Variants in TTN observed in about 807,000 individuals in gnomAD.
TTN encodes the protein connectin.
TTN carries 1,525 observed loss-of-function variants against 3,223.0 expected under a neutral mutation model. That is an observed-to-expected ratio of 0.47 (90% confidence interval 0.45 to 0.49). The LOEUF is 0.49. Among genes scored for constraint, TTN ranks in the 20% least tolerant of loss-of-function variants. TTN has a pLI of 0.00. For synonymous variants in TTN, 14,094 were observed against 15,161.0 expected (o/e 0.93, Z 5.17); for missense variants, 40,786 against 43,424.0 (o/e 0.94, Z 5.40).
intron 50 of TTN, 39 bp downstream of exon 50, chr2:178,735,472 C>T: frequency 6.7e-7 from 1 of 1,497,826 alleles, no homozygotes; most frequent in Non-Finnish European, 8.9e-7. Context: ...GGATTCCTTG[C>T]AGAGAAGGGA....
chr2:178,607,858 C>G lies in TTN; in HGVS notation c.52929G>C (p.Arg17643=). Reference sequence around the variant, plus strand: ...CCCCTGCGGCATTGACAGCACTCACCCGAAGTTTGTAATCAGCACCCTCTC... The same window carrying G: ...CCCCTGCGGCATTGACAGCACTCACGCGAAGTTTGTAATCAGCACCCTCTC... ...EIREGADYKL[R]VSAVNAAGEG... is the part of the protein sequence containing the mutation. Residue 17643 remains arginine (R), a synonymous_variant, in exon 276 of 363, where the codon CGG becomes CGC. Transcript: ENST00000589042. 1.9e-6 allele frequency: 3 copies of G among 1,613,002 alleles called. No individual in the cohort carries two copies. The highest frequency in any genetic ancestry group is 2.5e-6 in the Non-Finnish European group (3 of 1,179,342).
At position 178,542,576 on chromosome 2, in the gene TTN, A is replaced by G; in HGVS notation, c.97193-13T>C. On this transcript the variant is annotated splice_polypyrimidine_tract_variant and intron_variant, in intron 348 of 362. Transcript: ENST00000589042. ...GGACCAGGCTTGTCTATGAAAGAGAAGAAATACAGGAAATTAATTTTTACT... is the reference window on the plus strand; with the variant it reads ...GGACCAGGCTTGTCTATGAAAGAGAGGAAATACAGGAAATTAATTTTTACT... 6.3e-7 allele frequency: 1 copy of G among 1,593,378 alleles called. No individual in the cohort carries two copies. The highest frequency in any genetic ancestry group is 8.6e-7 in the Non-Finnish European group (1 of 1,166,774).
Position 178,651,709 on chromosome 2 carries a change from T to G in TTN, c.39420A>C (p.Ala13140=), listed in dbSNP as rs1311872351. 1 of 1,613,258 alleles carries G rather than the reference T, an allele frequency of 6.2e-7. No homozygotes were observed. The highest frequency in any genetic ancestry group is 1.3e-5 in the African/African-American group (1 of 74,882). Residue 13140 remains alanine, a synonymous_variant, in exon 206 of 363, where the codon GCA becomes GCC. Coordinates refer to ENST00000589042, the MANE Select transcript of TTN (RefSeq NM_001267550.2). ...PPKKPVPEKK[A]PAVVAKKPEL... ...CAGGTTTTTTGGCAACGACAGCAGG[T>G]GCTTTCTTTTCTGGGACAGGTTTCT...
Position 178,679,354 on chromosome 2 carries a change from G to C in TTN, c.33727C>G (p.Pro11243Ala), listed in dbSNP as rs1229403677. 5 of 1,612,408 alleles carry C rather than the reference G, an allele frequency of 3.1e-6. No homozygotes were observed. The highest frequency in any genetic ancestry group is 1.1e-5 in the South Asian group (1 of 91,022). Residue 11243 changes from proline (P) to alanine (A), a missense_variant, in exon 142 of 363, where the codon CCT becomes GCT. Pro to Ala is a conservative substitution (Grantham distance 27). Transcript: ENST00000589042. ...VPVLIPKKEKPPPAKVPEVPK... is the reference protein window; with the variant it reads ...VPVLIPKKEKAPPAKVPEVPK... ...AAGGATGTACCTTTTGCTGGCGGAG[G>C]CTTCTCCTTTTTAGGAATAAGCACA...
In TTN at chr2:178,549,755, A is replaced by ATG; in HGVS notation, c.91965_91966dup (p.Ile30656ThrfsTer15). Reference sequence around the variant, plus strand: ...TCTGCTGGTTTCCCGTTTTTCAATGATGTAGTGGGTTATGGGAGCACAACC... The same window carrying ATG: ...TCTGCTGGTTTCCCGTTTTTCAATGATGTGTAGTGGGTTATGGGAGCACAACC... On this transcript the variant is annotated frameshift_variant, in exon 338 of 363. Transcript: ENST00000589042. LOFTEE classifies it high-confidence loss of function. 1 of 1,613,710 alleles carries ATG rather than the reference A, an allele frequency of 6.2e-7. No individual in the cohort carries two copies. The highest frequency in any genetic ancestry group is 8.5e-7 in the Non-Finnish European group (1 of 1,179,750).
Position 178,722,924 on chromosome 2 carries a change from A to C in TTN, c.21975T>G (p.Phe7325Leu). The change falls in exon 76 of 363, where the codon TTT becomes TTG. Residue 7325 changes from phenylalanine to leucine, a missense_variant. Transcript: ENST00000589042. ...ALVSTLEPPY[F>L]VTELEPLEAA... ...CCTCCAGAGGTTCCAGTTCCGTAACAAAATAAGGCGGTTCTAAGGAAGAAA... is the reference window on the plus strand; with the variant it reads ...CCTCCAGAGGTTCCAGTTCCGTAACCAAATAAGGCGGTTCTAAGGAAGAAA... 1 of 1,610,266 alleles carries C rather than the reference A, an allele frequency of 6.2e-7. No individual in the cohort carries two copies.
intron 47 of TTN, chr2:178,746,409 C>T (rs2083566115): frequency 6.2e-7 from 1 of 1,609,396 alleles, no homozygotes; most frequent in Non-Finnish European, 8.5e-7. Context: ...GGAACTGTCA[C>T]TATTTTCACC....
Position 178,649,638 on chromosome 2 carries a change from AG to A in TTN, c.39896-8del. On this transcript the variant is annotated splice_region_variant and splice_polypyrimidine_tract_variant and intron_variant, in intron 211 of 362. Coordinates refer to ENST00000589042, the MANE Select transcript of TTN (RefSeq NM_001267550.2). ...TTCTTTGGCATCTCAGGTTCTTTAA[AG>A]ATATCAGTAGCATTTAATAATACAA... 2 of 1,550,748 alleles carry A rather than the reference AG, an allele frequency of 1.3e-6. No homozygotes were observed. Among genetic ancestry groups the A allele is most frequent in the South Asian group, 2.4e-5 (2 of 84,116 alleles).
At position 178,724,462 on chromosome 2, in the gene TTN, C is replaced by T. The variant is rs772372506; in HGVS notation, c.20913G>A (p.Val6971=). ...CAACAGAGAGTTCCGGAGTGCCAGC[C>T]ACCTTACACTCCAGAGTGCACGTTT... The part of the protein sequence containing the change: ...VGETCTLECK[V]AGTPELSVEW... The change falls in exon 72 of 363, where the codon GTG becomes GTA. Residue 6971 remains valine, a synonymous_variant. Transcript: ENST00000589042. 1 of 1,613,336 alleles carries T rather than the reference C, an allele frequency of 6.2e-7. No homozygotes were observed. Among genetic ancestry groups the T allele is most frequent in the Non-Finnish European group, 8.5e-7 (1 of 1,179,512 alleles).
At chr2:178,717,900 A>G (rs1212685061) in intron 86 of TTN, 43 bp downstream of exon 86, 2 of 1,579,162 alleles carry the variant, frequency 1.3e-6, no homozygotes, top group Admixed American at 3.7e-5. Flanking sequence ...GTTTTTAAGA[A>G]AATGAATCTG....
rs2154296273 is a variant in TTN, at chr2:178,712,853, C to G, written c.27172G>C (p.Glu9058Gln). 1 of 1,613,760 alleles carries G rather than the reference C, an allele frequency of 6.2e-7. No homozygotes were observed. The highest frequency in any genetic ancestry group is 8.5e-7 in the Non-Finnish European group (1 of 1,179,768). The part of the protein sequence containing the change: ...FSVSWFKGSS[E>Q]LVPGDRCNVS... The stretch of plus-strand genomic sequence containing the variant: ...TTGCATCTGTCACCTGGTACTAGTT[C>G]ACTGCTACCTTTGAACCAGCTAACA... Residue 9058 changes from glutamate (E) to glutamine (Q), a missense_variant, in exon 94 of 363, where the codon GAA becomes CAA. Physicochemically the swap from Glu to Gln is conservative, Grantham distance 29. Coordinates refer to ENST00000589042, the MANE Select transcript of TTN (RefSeq NM_001267550.2).
At chr2:178,682,650 G>A in intron 135 of TTN, 47 bp downstream of exon 135, 1 of 1,481,088 alleles carries the variant, frequency 6.8e-7, no homozygotes, top group Non-Finnish European at 9.1e-7. Flanking sequence ...TCTTGTTTGA[G>A]TGTGCACATA....
chr2:178,644,826 A>G (rs2061686781), intron 217 of TTN: 3 of 443,536 alleles, frequency 6.8e-6, no homozygotes, highest in Non-Finnish European at 1.2e-5. Context: ...TTAATTAAAG[A>G]CCAGCAGAAA....
Position 178,728,158 on chromosome 2 carries a change from A to G in TTN, c.19666T>C (p.Ser6556Pro). 1 of 1,608,316 alleles carries G rather than the reference A, an allele frequency of 6.2e-7. No homozygotes were observed. Among genetic ancestry groups the G allele is most frequent in the South Asian group, 1.1e-5 (1 of 90,246 alleles). ...CATGCATCATCTCCTGCTACATTTG[A>G]CACTTTGCATGTGTAATTTGCAGTA... Reference protein sequence around the residue: ...EDTANYTCKVSNVAGDDACSG... With the variant: ...EDTANYTCKVPNVAGDDACSG... The change falls in exon 67 of 363, where the codon TCA becomes CCA. Residue 6556 changes from serine to proline, a missense_variant. Transcript: ENST00000589042.
chr2:178,723,863 A>G lies in TTN; in HGVS notation c.21396T>C (p.Thr7132=). The G allele has an allele frequency of 6.2e-7, 1 of 1,608,756 alleles. No homozygotes were observed. Among genetic ancestry groups the G allele is most frequent in the East Asian group, 2.2e-5 (1 of 44,774 alleles). Residue 7132 remains threonine (T), a synonymous_variant, in exon 73 of 363, where the codon ACT becomes ACC. Coordinates refer to ENST00000589042, the MANE Select transcript of TTN (RefSeq NM_001267550.2). ...GTTTGACTGTCTACTGACCTTGTAC[A>G]GTTAGCACTGCACGACATTCATCAG... ...AGSDECRAVL[T]VQEPPSFVKE...
At chr2:178,743,332 A>G (rs1316570629) in intron 47 of TTN, among the ~76,000 whole-genome samples, 1 of 152,032 alleles carries the variant, frequency 6.6e-6, no homozygotes, top group Non-Finnish European at 1.5e-5. Context: ...TTCTTTATCC[A>G]GAATCAGAGA....
In TTN at chr2:178,528,839, A is replaced by T. The variant is rs1408667252; in HGVS notation, c.106912T>A (p.Trp35638Arg). The part of the protein sequence containing the change: ...ANIAGATDVK[W>R]VLNGVELTNS... ...GTAAGCTCTACGCCATTCAGTACCC[A>T]TTTCACATCAGTGGCACCAGCAATG... The change falls in exon 360 of 363, where the codon TGG becomes AGG. Residue 35638 changes from tryptophan (W) to arginine (R), a missense_variant. Coordinates refer to ENST00000589042, the MANE Select transcript of TTN (RefSeq NM_001267550.2). 1 of 1,613,834 alleles carries T rather than the reference A, an allele frequency of 6.2e-7. No homozygotes were observed. The highest frequency in any genetic ancestry group is 1.3e-5 in the African/African-American group (1 of 74,918).
In TTN at chr2:178,612,946, T is replaced by C. The variant is rs1017317726; in HGVS notation, c.49775A>G (p.Lys16592Arg). 11 of 1,612,618 alleles carry C rather than the reference T, an allele frequency of 6.8e-6. No individual in the cohort carries two copies. In the Admixed American group the frequency reaches 1.8e-4, roughly 27 times the overall value. Residue 16592 changes from lysine to arginine, a missense_variant, in exon 265 of 363, where the codon AAG (lysine) becomes AGG (arginine). Physicochemically the swap from Lys to Arg is conservative, Grantham distance 26 (BLOSUM62 2). Transcript: ENST00000589042. ...KIESYVIEMLKTGTDEWVRVA... is the reference protein window; with the variant it reads ...KIESYVIEMLRTGTDEWVRVA... ...TCTGACCCACTCATCTGTTCCAGTC[T>C]TCAGCATTTCAATGACATAAGACTC...
rs2064131075 is a variant in TTN, at chr2:178,658,513, CTTTCT to C, written c.37577_37581del (p.Lys12526SerfsTer18). On this transcript the variant is annotated frameshift_variant, in exon 184 of 363. Transcript: ENST00000589042. LOFTEE classifies it high-confidence loss of function. ...GGTTTTTTGGGCACAGCCACAGATGCTTTCTTTTCAAGTACAACTTCTTTAGGAGC... is the reference window on the plus strand; with the variant it reads ...GGTTTTTTGGGCACAGCCACAGATGCTTTCAAGTACAACTTCTTTAGGAGC... 6 of 1,280,712 alleles carry C rather than the reference CTTTCT, an allele frequency of 4.7e-6. No homozygotes were observed. Among genetic ancestry groups the C allele is most frequent in the Non-Finnish European group, 6.3e-6 (6 of 949,770 alleles). 79.3% of individuals were successfully genotyped at this position (1,280,712 alleles called of 1,614,324 possible). A position where few individuals can be genotyped will look rare whatever the true frequency, so the allele number is the denominator to read the frequency against.
Sources: allele counts gnomAD v4.1 joint callset (sites outside exome capture counted in the v4.1 genomes callset), GRCh38; gene constraint gnomAD v4.1.1; transcripts MANE v1.5; gene names NCBI Gene and HGNC (gene_info 2026-07-23, HGNC 2026-07-21).